GPC4: variants seen among roughly 807,000 people sequenced by gnomAD.
GPC4 encodes glypican-4.
Under a neutral mutation model 35.0 loss-of-function variants are expected in GPC4, and 10 were observed. The ratio of observed to expected loss-of-function variants is 0.29; its 90% CI spans 0.18 to 0.48. GPC4 has a LOEUF of 0.48. Among genes scored for constraint, GPC4 ranks in the 20% least tolerant of loss-of-function variants. The probability of loss-of-function intolerance (pLI) is 0.99; values close to 1 mark genes in which losing one functional copy is unlikely to be tolerated. For synonymous variants in GPC4, 167 were observed against 170.2 expected (o/e 0.98, Z 0.15); for missense variants, 322 against 451.3 (o/e 0.71, Z 2.60).
intron 1 of GPC4, among the ~76,000 whole-genome samples, chrX:133,360,920 C>T (rs952507759): frequency 9.0e-6 from 1 of 111,586 alleles, no homozygotes; most frequent in African/African-American, 3.3e-5. Flanking sequence ...TAACTGATTA[C>T]GGTTTTTATC....
chrX:133,318,997 T>C (rs2068351364), intron 3 of GPC4, among the ~76,000 whole-genome samples: 1 of 112,140 alleles, frequency 8.9e-6, no homozygotes, highest in Non-Finnish European at 1.9e-5. Context: ...CTAATGGCCT[T>C]GCAAAGGTTC....
intron 1 of GPC4, among the ~76,000 whole-genome samples, chrX:133,392,779 C>A (rs2068725455): frequency 9.0e-6 from 1 of 111,014 alleles, no homozygotes; most frequent in Non-Finnish European, 1.9e-5. Flanking sequence ...TCCTCCTTTA[C>A]CCCACCCTTT....
At chrX:133,317,747 T>C (rs1016757936) in intron 3 of GPC4, among the ~76,000 whole-genome samples, 3 of 111,911 alleles carry the variant, frequency 2.7e-5, no homozygotes, top group Non-Finnish European at 3.8e-5. Context: ...AAGCACCCAA[T>C]AGAAATAACA....
chrX:133,350,009 GCTTCT>G (rs1355760326), intron 1 of GPC4, among the ~76,000 whole-genome samples: 6 of 111,487 alleles, frequency 5.4e-5, no homozygotes, highest in African/African-American at 2.0e-4. Context: ...GCTGTCTTTA[GCTTCT>G]CTTAACCCTC....
chrX:133,386,038 AAAAATAAAT>A (rs1417349561), intron 1 of GPC4, among the ~76,000 whole-genome samples: 1 of 109,253 alleles, frequency 9.2e-6, no homozygotes, highest in African/African-American at 3.3e-5. Flanking sequence ...CTCAAAAAAT[AAAAATAAAT>A]AAAATAAATA....
Position 133,354,571 on chromosome X carries a change from T to TA in GPC4, c.161-15231_161-15230insT, listed in dbSNP as rs201932639. Among the ~76,000 whole-genome samples, 298 of 99,712 alleles carry TA rather than the reference T, an allele frequency of 3.0e-3. 1 individual carries two copies. Among genetic ancestry groups the TA allele is most frequent in the African/African-American group, 9.1e-3 (214 of 23,516 alleles). The allele number at this position is 99,712 out of a possible 115,157, so 86.6% of individuals were successfully genotyped here. A position where few individuals can be genotyped will look rare whatever the true frequency, so the allele number is the denominator to read the frequency against. On this transcript the variant is annotated intron_variant, in intron 1 of 8. Transcript: ENST00000370828. ...TTATTTATTTATTTATTTATTTATTTTTTTTTTTGAGACGGAGTCTCGCTC... is the reference window on the plus strand; with the variant it reads ...TTATTTATTTATTTATTTATTTATTTATTTTTTTTGAGACGGAGTCTCGCTC...
Position 133,371,026 on chromosome X carries a change from T to A in GPC4, c.161-31685A>T, listed in dbSNP as rs376263481. ...ACTCATCCAACTATGGCATCCCAAC[T>A]TAGTTAATATGCGCGTCTCTGTGGG... On this transcript the variant is annotated intron_variant, in intron 1 of 8. Coordinates refer to ENST00000370828, the MANE Select transcript of GPC4 (RefSeq NM_001448.3). Among the ~76,000 whole-genome samples the A allele has an allele frequency of 3.6e-5, 4 of 112,288 alleles. No individual in the cohort carries two copies. In the East Asian group the frequency reaches 8.4e-4, roughly 24 times the overall value.
At chrX:133,331,753 T>G (rs1159686961) in intron 2 of GPC4, among the ~76,000 whole-genome samples, 1 of 78,737 alleles carries the variant, frequency 1.3e-5, no homozygotes, top group Non-Finnish European at 2.2e-5. Context: ...AGAGTGAGAC[T>G]GTCTAAAAAA....
At chrX:133,350,126 A>G (rs1214642126) in intron 1 of GPC4, among the ~76,000 whole-genome samples, 1 of 111,405 alleles carries the variant, frequency 9.0e-6, no homozygotes, top group Non-Finnish European at 1.9e-5. Flanking sequence ...AGAATAACAT[A>G]TTCATTCATC....
intron 3 of GPC4, 173 bp from the exon 4 acceptor site, chrX:133,311,596 A>G (rs916661577): frequency 1.4e-5 from 7 of 496,681 alleles, no homozygotes; most frequent in African/African-American, 1.2e-4. Flanking sequence ...TAAAAGATAC[A>G]TGTTGGGACA....
chrX:133,305,196 T>G (rs2068285555), intron 6 of GPC4, among the ~76,000 whole-genome samples: 1 of 111,668 alleles, frequency 9.0e-6, no homozygotes, highest in African/African-American at 3.3e-5. Flanking sequence ...GGATCAAGCA[T>G]GTATATTATG....
Position 133,415,302 on chromosome X carries a change from G to C in GPC4, c.-337C>G, listed in dbSNP as rs1259853382. ...GCAAGCTGACTGGCCGGCGAGGCGGGGACGCGGGGAAGGAGGGAAGGGTGG... is the reference window on the plus strand; with the variant it reads ...GCAAGCTGACTGGCCGGCGAGGCGGCGACGCGGGGAAGGAGGGAAGGGTGG... On this transcript the variant is annotated 5_prime_UTR_variant, in exon 1 of 9. Transcript: ENST00000370828. 4.3e-6 allele frequency: 1 copy of C among 233,991 alleles called. No homozygotes were observed. Among genetic ancestry groups the C allele is most frequent in the African/African-American group, 3.0e-5 (1 of 33,287 alleles). 19.3% of individuals were successfully genotyped at this position (233,991 alleles called of 1,213,427 possible). A position where few individuals can be genotyped will look rare whatever the true frequency, so the allele number is the denominator to read the frequency against.
At chrX:133,348,495 A>G (rs1017439259) in intron 1 of GPC4, among the ~76,000 whole-genome samples, 1 of 112,576 alleles carries the variant, frequency 8.9e-6, no homozygotes, top group African/African-American at 3.2e-5. Context: ...GTGCTGGGGG[A>G]CCTTGCGGGA....
intron 1 of GPC4, among the ~76,000 whole-genome samples, chrX:133,390,920 T>C (rs1222858861): frequency 8.9e-6 from 1 of 111,804 alleles, no homozygotes; most frequent in Non-Finnish European, 1.9e-5. Flanking sequence ...CCAAAGGCTC[T>C]TTCTCCCGCC....
At chrX:133,339,876 G>C (rs1043872594) in intron 1 of GPC4, among the ~76,000 whole-genome samples, 1 of 112,132 alleles carries the variant, frequency 8.9e-6, no homozygotes. Context: ...GAAACTATAG[G>C]GGTTTATGCT....
At chrX:133,352,521 G>GA (rs936684837) in intron 1 of GPC4, among the ~76,000 whole-genome samples, 412 of 90,861 alleles carry the variant, frequency 4.5e-3, no homozygotes, top group East Asian at 6.7e-3. Context: ...CTCCTTTTAA[G>GA]AAAAAAAAAA....
intron 6 of GPC4, among the ~76,000 whole-genome samples, chrX:133,305,415 A>C: frequency 8.9e-6 from 1 of 111,997 alleles, no homozygotes; most frequent in Non-Finnish European, 1.9e-5. Flanking sequence ...TGGAACATCT[A>C]CTTCTCCCTC....
chrX:133,396,567 T>A lies in GPC4; in HGVS notation c.160+18239A>T, dbSNP rs769628638. Among the ~76,000 whole-genome samples the A allele has an allele frequency of 1.3e-4, 15 of 112,000 alleles. No homozygotes were observed. The Admixed American group carries it at 1.4e-3, about 11-fold the overall frequency. Reference sequence around the variant, plus strand: ...CACATCTCATTTTTTTAGTTGTTTTTCCTTTCTGCAAAATATGAGGATAAA... The same window carrying A: ...CACATCTCATTTTTTTAGTTGTTTTACCTTTCTGCAAAATATGAGGATAAA... On this transcript the variant is annotated intron_variant, in intron 1 of 8. Coordinates refer to ENST00000370828, the MANE Select transcript of GPC4 (RefSeq NM_001448.3).
chrX:133,317,725 G>A (rs1259925231), intron 3 of GPC4, among the ~76,000 whole-genome samples: 8 of 111,727 alleles, frequency 7.2e-5, no homozygotes, highest in African/African-American at 2.6e-4. Flanking sequence ...TTTATCTGTT[G>A]CTTGGTAACA....
Sources: allele counts gnomAD v4.1 joint callset (sites outside exome capture counted in the v4.1 genomes callset), GRCh38; gene constraint gnomAD v4.1.1; transcripts MANE v1.5; gene names NCBI Gene and HGNC (gene_info 2026-07-23, HGNC 2026-07-21).